DSC2: variants seen among roughly 807,000 people sequenced by gnomAD.
DSC2 encodes desmocollin 2, also known as desmocollin-2.
In DSC2, 51 loss-of-function variants were observed where a neutral mutation model predicts 87.6. The ratio of observed to expected loss-of-function variants is 0.58; its 90% CI spans 0.46 to 0.74. The LOEUF (loss-of-function observed/expected upper bound fraction) is 0.74. DSC2 is among the 30% of genes least tolerant of loss of function. The pLI, the probability that DSC2 is intolerant of heterozygous loss-of-function variation, is 0.00. For missense variants in DSC2, 1,066 were observed against 1,089.5 expected (o/e 0.98, Z 0.30); for synonymous variants, 383 against 393.2 (o/e 0.97, Z 0.31).
In DSC2 at chr18:31,071,796, G is replaced by A. The variant is rs1339580561; in HGVS notation, c.1934C>T (p.Ser645Leu). 3.7e-6 allele frequency: 6 copies of A among 1,613,972 alleles called. No individual in the cohort carries two copies. The highest frequency in any genetic ancestry group is 1.6e-4 in the Middle Eastern group (1 of 6,062). The change falls in exon 13 of 16, where the codon TCA becomes TTA. Residue 645 changes from serine to leucine, a missense_variant. By Grantham distance (145) the Ser-to-Leu change is moderately radical (BLOSUM62 -2). Coordinates refer to ENST00000280904, the MANE Select transcript of DSC2 (RefSeq NM_024422.6). Reference sequence around the variant, plus strand: ...TCTCACTGTTATAGGTACTACATATGAGCCAAATGGAGGATCATTCTGATA... The same window carrying A: ...TCTCACTGTTATAGGTACTACATATAAGCCAAATGGAGGATCATTCTGATA... ...LSYQNDPPFG[S>L]YVVPITVRDR...
intron 11 of DSC2, among the ~76,000 whole-genome samples, chr18:31,077,067 G>A (rs1567975538): frequency 6.6e-6 from 1 of 151,694 alleles, no homozygotes. Context: ...TTCCACAATT[G>A]AAAAAAATAT....
intron 12 of DSC2, among the ~76,000 whole-genome samples, chr18:31,074,456 T>TGTGTGTGTGTG (rs1986940420): frequency 6.8e-6 from 1 of 148,120 alleles, no homozygotes; most frequent in South Asian, 2.1e-4. Context: ...TGTGTGTGTG[T>TGTGTGTGTGTG]GTGTGTGTGT....
intron 15 of DSC2, 27 bp downstream of exon 15, chr18:31,068,867 A>G: frequency 6.2e-7 from 1 of 1,612,310 alleles, no homozygotes; most frequent in South Asian, 1.1e-5. Context: ...ATTAAAATAG[A>G]TTTGTAGGCC....
chr18:31,091,897 C>T (rs746397355), intron 3 of DSC2, among the ~76,000 whole-genome samples: 6 of 152,088 alleles, frequency 3.9e-5, no homozygotes, highest in Non-Finnish European at 8.8e-5. Context: ...TCTCCTTTTA[C>T]GTCCCAAATG....
In DSC2 at chr18:31,102,011, C is replaced by T. The variant is rs1234687774; in HGVS notation, c.-40G>A. 1 of 1,465,848 alleles carries T rather than the reference C, an allele frequency of 6.8e-7. No individual in the cohort carries two copies. The allele number at this position is 1,465,848 out of a possible 1,614,324, so 90.8% of individuals were successfully genotyped here. A position where few individuals can be genotyped will look rare whatever the true frequency, so the allele number is the denominator to read the frequency against. Reference sequence around the variant, plus strand: ...GCAGGTCGCGGGCCGAGCGTCGGGCCGGGGTAGGAGGGCTCCGCGGGGCGA... The same window carrying T: ...GCAGGTCGCGGGCCGAGCGTCGGGCTGGGGTAGGAGGGCTCCGCGGGGCGA... On this transcript the variant is annotated 5_prime_UTR_variant, in exon 1 of 16. Transcript: ENST00000280904.
intron 3 of DSC2, 32 bp downstream of exon 3, chr18:31,092,069 T>C (rs2144846079): frequency 6.3e-7 from 1 of 1,580,732 alleles, no homozygotes; most frequent in East Asian, 2.2e-5. Context: ...GAAGAAAAGA[T>C]ATCATTTCTT....
intron 13 of DSC2, 84 bp from the exon 14 acceptor site, chr18:31,070,934 C>G: frequency 2.7e-6 from 4 of 1,492,742 alleles, no homozygotes; most frequent in Non-Finnish European, 1.8e-6. Context: ...ACACATAAAT[C>G]ATAAACTTAA....
At chr18:31,091,211 A>G in intron 3 of DSC2, 64 bp from the exon 4 acceptor site, 1 of 1,594,218 alleles carries the variant, frequency 6.3e-7, no homozygotes, top group Non-Finnish European at 8.6e-7. Context: ...AACATTAAAC[A>G]ATGACACATC....
In DSC2 at chr18:31,074,716, C is replaced by T. The variant is rs1986951761; in HGVS notation, c.1855G>A (p.Val619Ile). Reference protein sequence around the residue: ...DFSLESSTSEVQRMWRLKAIN... With the variant: ...DFSLESSTSEIQRMWRLKAIN... ...GCTTTCAGTCTCCACATTCTCTGTA[C>T]TTCTGAAGTAGAACTCTCCAGACTA... The change falls in exon 12 of 16, where the codon GTA (valine) becomes ATA (isoleucine). Residue 619 changes from valine to isoleucine, a missense_variant. Coordinates refer to ENST00000280904, the MANE Select transcript of DSC2 (RefSeq NM_024422.6). The T allele has an allele frequency of 6.2e-7, 1 of 1,613,850 alleles. No homozygotes were observed.
At position 31,082,361 on chromosome 18, in the gene DSC2, A is replaced by G. The variant is rs1252165791; in HGVS notation, c.1140T>C (p.Asp380=). Residue 380 remains aspartate (D), a synonymous_variant, in exon 9 of 16, where the codon GAT becomes GAC. Coordinates refer to ENST00000280904, the MANE Select transcript of DSC2 (RefSeq NM_024422.6). ...AGTTAGCAGTATTCACTAAGTCCTTATCCTCAACAGTAACTCGTAAGATTT... is the reference window on the plus strand; with the variant it reads ...AGTTAGCAGTATTCACTAAGTCCTTGTCCTCAACAGTAACTCGTAAGATTT... The part of the protein sequence containing the change: ...DVEILRVTVE[D]KDLVNTANWR... The G allele has an allele frequency of 6.2e-7, 1 of 1,613,924 alleles. No homozygotes were observed.
rs555554459 is a variant in DSC2 at position 31,065,720 on chromosome 18, G to A, written c.*2295C>T. The A allele has an allele frequency of 2.0e-5, 3 of 152,250 alleles. No individual in the cohort carries two copies. The highest frequency in any genetic ancestry group is 4.1e-4 in the South Asian group (2 of 4,826). 9.4% of individuals were successfully genotyped at this position (152,250 alleles called of 1,614,324 possible). ...ATTTTCATAGGGTGTTAGAATTAGT[G>A]CCCATTTTAAGAAGCAGATGTTCTG... On this transcript the variant is annotated 3_prime_UTR_variant, in exon 16 of 16. Coordinates refer to ENST00000280904, the MANE Select transcript of DSC2 (RefSeq NM_024422.6).
In DSC2 at chr18:31,079,850, G is replaced by A. The variant is rs878853170; in HGVS notation, c.1660C>T (p.Gln554Ter). 1 of 1,613,806 alleles carries A rather than the reference G, an allele frequency of 6.2e-7. No individual in the cohort carries two copies. Among genetic ancestry groups the A allele is most frequent in the Non-Finnish European group, 8.5e-7 (1 of 1,179,908 alleles). Reference sequence around the variant, plus strand: ...TGGCTTAAAGACAAATTCTTACCTTGGTCTGATGCAAGGACTGTAATATTA... The same window carrying A: ...TGGCTTAAAGACAAATTCTTACCTTAGTCTGATGCAAGGACTGTAATATTA... ...IYNITVLASD[Q>*]GGRTCTGTLG... is the part of the protein sequence containing the mutation. The change falls in exon 11 of 16, where the codon CAA (glutamine) becomes TAA (stop). Residue 554 changes from glutamine to a stop codon, truncating the protein, a stop_gained. Transcript: ENST00000280904. LOFTEE classifies it high-confidence loss of function.
rs1291811378 is a variant in DSC2, at chr18:31,079,904, C to T, written c.1606G>A (p.Glu536Lys). 1 of 1,613,978 alleles carries T rather than the reference C, an allele frequency of 6.2e-7. No homozygotes were observed. The highest frequency in any genetic ancestry group is 2.2e-5 in the East Asian group (1 of 44,832). ...ATGCCATTTTTGATGGTCTCTGCCT[C>T]TCTATCCAGGCTTCTGAAAACTTTG... ...SIKVFRSLDR[E>K]AETIKNGIYN... Residue 536 changes from glutamate (E) to lysine (K), a missense_variant, in exon 11 of 16, where the codon GAG (glutamate) becomes AAG (lysine). Transcript: ENST00000280904.
At chr18:31,082,106 G>T in intron 9 of DSC2, 132 bp downstream of exon 9, 1 of 793,160 alleles carries the variant, frequency 1.3e-6, no homozygotes, top group Non-Finnish European at 2.0e-6. Flanking sequence ...TGTATATGAA[G>T]AACAGAGCAT....
chr18:31,074,421 ATGTGTGTGTGTGTGTGTGTGTGTGTG>A (rs71175757), intron 12 of DSC2, among the ~76,000 whole-genome samples: 2 of 139,940 alleles, frequency 1.4e-5, no homozygotes, highest in Non-Finnish European at 1.5e-5. Flanking sequence ...AAGAGAAAAA[ATGTGTGTGTGTGTGTGTGTGTGTGTG>A]TGTGTGTGTG....
chr18:31,083,560 A>G (rs796429098), intron 7 of DSC2, among the ~76,000 whole-genome samples: 15 of 152,350 alleles, frequency 9.8e-5, no homozygotes, highest in African/African-American at 3.1e-4. Context: ...AAAAAAATAG[A>G]CAGCAATGAC....
intron 4 of DSC2, among the ~76,000 whole-genome samples, chr18:31,089,858 G>GA (rs1987533484): frequency 6.6e-6 from 1 of 152,072 alleles, no homozygotes; most frequent in South Asian, 2.1e-4. Context: ...TCTATACATG[G>GA]AAAAAACACT....
At chr18:31,071,920 T>C in intron 12 of DSC2, 79 bp from the exon 13 acceptor site, 1 of 1,267,264 alleles carries the variant, frequency 7.9e-7, no homozygotes, top group Middle Eastern at 1.9e-4. Context: ...CATTATCAGA[T>C]AGTTATATTT....
intron 11 of DSC2, among the ~76,000 whole-genome samples, chr18:31,077,640 A>G (rs560947838): frequency 6.6e-6 from 1 of 152,318 alleles, no homozygotes; most frequent in East Asian, 1.9e-4. Flanking sequence ...TGAGTTATAC[A>G]TACTGTTTTA....
Sources: allele counts gnomAD v4.1 joint callset (sites outside exome capture counted in the v4.1 genomes callset), GRCh38; gene constraint gnomAD v4.1.1; transcripts MANE v1.5; gene names NCBI Gene and HGNC (gene_info 2026-07-23, HGNC 2026-07-21).